Variants in ALX1 observed in about 807,000 individuals in gnomAD.
ALX1 encodes the protein ALX homeobox 1.
Under a neutral mutation model 31.7 loss-of-function variants are expected in ALX1, and 19 were observed. The ratio of observed to expected loss-of-function variants is 0.60; its 90% CI spans 0.42 to 0.88. The LOEUF is 0.88. Ranked by LOEUF, ALX1 falls within the 40% of genes least tolerant of loss-of-function variation. The pLI is 0.00. For synonymous variants in ALX1, 153 were observed against 148.8 expected, an observed-to-expected ratio of 1.03 and a Z score of -0.20; for missense variants, 415 against 407.8, an observed-to-expected ratio of 1.02 and a Z score of -0.15.
rs78458272 is a variant in ALX1 at position 85,287,838 on chromosome 12, A to G, written c.660+857A>G. The stretch of plus-strand genomic sequence containing the variant: ...GCTATGCATTATTTTGTTATTTATT[A>G]TTTAATGATATGCATTATAAGAGAC... On this transcript the variant is annotated intron_variant, in intron 3 of 3. Transcript: ENST00000316824. Among the ~76,000 whole-genome samples, 1,203 of 151,646 alleles carry G rather than the reference A, an allele frequency of 7.9e-3. 25 individuals carry two copies. Among genetic ancestry groups the G allele is most frequent in the East Asian group, 0.076 (394 of 5,152 alleles).
chr12:85,301,211 C>T lies in ALX1; in HGVS notation c.717C>T (p.Cys239=). 1.2e-6 allele frequency: 2 copies of T among 1,613,976 alleles called. No individual in the cohort carries two copies. The highest frequency in any genetic ancestry group is 1.7e-6 in the Non-Finnish European group (2 of 1,179,932). Reference sequence around the variant, plus strand: ...GTGGTGGTTCTGTGGTTACTTCATGCATGTTACCACGTGACACTTCCTCCT... The same window carrying T: ...GTGGTGGTTCTGTGGTTACTTCATGTATGTTACCACGTGACACTTCCTCCT... ...NASGGSVVTS[C]MLPRDTSSCM... Residue 239 remains cysteine, a synonymous_variant, in exon 4 of 4, where the codon TGC becomes TGT. Transcript: ENST00000316824.
chr12:85,284,788 T>C (rs1896726975), intron 2 of ALX1, among the ~76,000 whole-genome samples: 2 of 152,114 alleles, frequency 1.3e-5, no homozygotes, highest in Admixed American at 6.6e-5. Flanking sequence ...GCCTTGGTCT[T>C]TGTGTGTGTT....
intron 3 of ALX1, among the ~76,000 whole-genome samples, chr12:85,297,531 T>C (rs1402061067): frequency 1.3e-5 from 2 of 151,690 alleles, no homozygotes; most frequent in African/African-American, 4.8e-5. Flanking sequence ...GGTAGAGGAA[T>C]ATAACAGCTT....
At chr12:85,282,153 A>G (rs995657814) in intron 1 of ALX1, among the ~76,000 whole-genome samples, 1 of 152,088 alleles carries the variant, frequency 6.6e-6, no homozygotes, top group Non-Finnish European at 1.5e-5. Context: ...CCAAGGAGAT[A>G]GAACCGTTTG....
intron 3 of ALX1, among the ~76,000 whole-genome samples, chr12:85,287,930 T>A (rs1175086646): frequency 6.6e-6 from 1 of 151,640 alleles, no homozygotes; most frequent in Non-Finnish European, 1.5e-5. Flanking sequence ...AACTAGATGA[T>A]CTGAACCCCA....
At chr12:85,281,663 T>C (rs1896675101) in intron 1 of ALX1, among the ~76,000 whole-genome samples, 1 of 152,178 alleles carries the variant, frequency 6.6e-6, no homozygotes, top group African/African-American at 2.4e-5. Context: ...AAATCAAAAA[T>C]AAAGGTGCAA....
At chr12:85,292,876 T>C (rs1896836378) in intron 3 of ALX1, among the ~76,000 whole-genome samples, 1 of 151,038 alleles carries the variant, frequency 6.6e-6, no homozygotes, top group Non-Finnish European at 1.5e-5. Context: ...GGAGAAAATA[T>C]AATTTTGTCA....
intron 1 of ALX1, among the ~76,000 whole-genome samples, chr12:85,282,141 G>T (rs1896682534): frequency 6.6e-6 from 1 of 151,170 alleles, no homozygotes; most frequent in African/African-American, 2.4e-5. Flanking sequence ...CTTTAATTTT[G>T]CCCAAGGAGA....
intron 2 of ALX1, among the ~76,000 whole-genome samples, 163 bp from the exon 3 acceptor site, chr12:85,286,690 A>T (rs552047253): frequency 5.3e-5 from 8 of 152,090 alleles, no homozygotes; most frequent in Admixed American, 2.0e-4. Context: ...ACATCAAGAT[A>T]CAAGAAAAAG....
In ALX1 at chr12:85,280,450, G is replaced by C. The variant is rs1456841551; in HGVS notation, c.189G>C (p.Val63=). The change falls in exon 1 of 4, where the codon GTG becomes GTC. Residue 63 remains valine (V), a synonymous_variant. Coordinates refer to ENST00000316824, the MANE Select transcript of ALX1 (RefSeq NM_006982.3). ...FGPLPRAEHH[V]RLERTSPCQD... Reference sequence around the variant, plus strand: ...CCCTGCCCCGCGCCGAGCATCACGTGCGCTTGGAGAGGACCTCGCCCTGTC... The same window carrying C: ...CCCTGCCCCGCGCCGAGCATCACGTCCGCTTGGAGAGGACCTCGCCCTGTC... The C allele has an allele frequency of 6.2e-7, 1 of 1,612,014 alleles. No homozygotes were observed. Among genetic ancestry groups the C allele is most frequent in the East Asian group, 2.2e-5 (1 of 44,864 alleles).
rs1211462061 is a variant in ALX1, at chr12:85,296,285, T to TA, written c.661-4864dup. On this transcript the variant is annotated intron_variant, in intron 3 of 3. Coordinates refer to ENST00000316824, the MANE Select transcript of ALX1 (RefSeq NM_006982.3). The stretch of plus-strand genomic sequence containing the variant: ...ATTTATTACAAATATATATCCACAG[T>TA]AAAAAACTCTTAGTATTTATGTTTA... 1.1e-4 allele frequency among the ~76,000 whole-genome samples: 16 copies of TA among 151,700 alleles called. No homozygotes were observed. In the South Asian group the frequency reaches 1.2e-3, roughly 12 times the overall value.
chr12:85,290,969 C>T (rs1324749273), intron 3 of ALX1, among the ~76,000 whole-genome samples: 1 of 151,054 alleles, frequency 6.6e-6, no homozygotes, highest in Non-Finnish European at 1.5e-5. Flanking sequence ...CAAGGATGGT[C>T]TGCTATGAAT....
intron 3 of ALX1, among the ~76,000 whole-genome samples, chr12:85,294,591 A>C (rs1896862321): frequency 6.6e-6 from 1 of 151,214 alleles, no homozygotes; most frequent in Non-Finnish European, 1.5e-5. Flanking sequence ...GCATTTTTCA[A>C]ATATTATTTG....
Position 85,283,765 on chromosome 12 carries a change from C to A in ALX1, c.420C>A (p.Thr140=). Reference sequence around the variant, plus strand: ...AACGGAGGCACCGAACCACCTTCACCAGTTTGCAGCTAGAGGAGCTGGAGA... The same window carrying A: ...AACGGAGGCACCGAACCACCTTCACAAGTTTGCAGCTAGAGGAGCTGGAGA... ...SKKRRHRTTF[T]SLQLEELEKV... Residue 140 remains threonine (T), a synonymous_variant, in exon 2 of 4, where the codon ACC becomes ACA. Coordinates refer to ENST00000316824, the MANE Select transcript of ALX1 (RefSeq NM_006982.3). The A allele has an allele frequency of 2.5e-6, 4 of 1,614,130 alleles. No homozygotes were observed. The highest frequency in any genetic ancestry group is 3.4e-6 in the Non-Finnish European group (4 of 1,180,018).
chr12:85,299,146 T>TA (rs1299570495), intron 3 of ALX1, among the ~76,000 whole-genome samples: 1 of 151,114 alleles, frequency 6.6e-6, no homozygotes, highest in Non-Finnish European at 1.5e-5. Flanking sequence ...TTTTTTTTTT[T>TA]AAGTAAGCAA....
chr12:85,295,564 CA>C (rs1336213368), intron 3 of ALX1, among the ~76,000 whole-genome samples: 1 of 151,446 alleles, frequency 6.6e-6, no homozygotes, highest in Non-Finnish European at 1.5e-5. Flanking sequence ...AAAACCAAAT[CA>C]GTTTTTAGAT....
chr12:85,283,990 A>C (rs928968625), intron 2 of ALX1, 114 bp downstream of exon 2: 23 of 1,194,992 alleles, frequency 1.9e-5, no homozygotes, highest in Non-Finnish European at 2.7e-5. Flanking sequence ...GCTGAAGATG[A>C]GAAACGGAGT....
intron 2 of ALX1, among the ~76,000 whole-genome samples, chr12:85,285,158 T>C (rs766811167): frequency 5.8e-4 from 88 of 152,106 alleles, no homozygotes; most frequent in Non-Finnish European, 1.1e-3. Context: ...TAAACAAATA[T>C]GTTTGCACAC....
chr12:85,295,601 A>G (rs1184749331), intron 3 of ALX1, among the ~76,000 whole-genome samples: 4 of 151,600 alleles, frequency 2.6e-5, no homozygotes, highest in African/African-American at 9.7e-5. Context: ...TATTGCTATA[A>G]CATCATCACA....
Sources: gnomAD v4.1 joint callset for allele counts (sites outside exome capture counted in the v4.1 genomes callset) on GRCh38, gnomAD v4.1.1 for gene constraint, MANE v1.5 for transcripts, NCBI Gene and HGNC (gene_info 2026-07-23, HGNC 2026-07-21) for gene names.